Variants in NDUFS4 observed in about 807,000 individuals in gnomAD.
NDUFS4 encodes NADH:ubiquinone oxidoreductase subunit S4.
Under a neutral mutation model 24.3 loss-of-function variants are expected in NDUFS4, and 28 were observed. The observed-to-expected ratio is 1.15, with a 90% CI of 0.85 to 1.58. NDUFS4 has a LOEUF of 1.58. Ranked by LOEUF, NDUFS4 falls within the 40% of genes most tolerant of loss-of-function variation. The pLI is 0.00. For missense variants in NDUFS4, 223 were observed against 207.9 expected (o/e 1.07, Z -0.45); for synonymous variants, 93 against 69.7 (o/e 1.34, Z -1.67).
At chr5:53,682,315 T>C (rs2111613457) in intron 4 of NDUFS4, among the ~76,000 whole-genome samples, 1 of 152,134 alleles carries the variant, frequency 6.6e-6, no homozygotes, top group Middle Eastern at 3.4e-3. Flanking sequence ...TGAAATGGCT[T>C]TGGAAGGAAA....
chr5:53,607,960 A>G (rs1279969783), intron 2 of NDUFS4, among the ~76,000 whole-genome samples: 1 of 152,178 alleles, frequency 6.6e-6, no homozygotes, highest in Non-Finnish European at 1.5e-5. Flanking sequence ...TTATTACATA[A>G]CTGGCTTATT....
chr5:53,594,898 G>GTGTGTA (rs1554055140), intron 1 of NDUFS4, among the ~76,000 whole-genome samples: 11 of 149,418 alleles, frequency 7.4e-5, no homozygotes, highest in African/African-American at 2.0e-4. Flanking sequence ...GTGTGTGTGT[G>GTGTGTA]TATATGCGTT....
chr5:53,661,825 G>T (rs1042650142), intron 4 of NDUFS4, among the ~76,000 whole-genome samples: 2 of 152,172 alleles, frequency 1.3e-5, no homozygotes, highest in Admixed American at 6.5e-5. Context: ...AAGAATGCTT[G>T]TGGTTTTTGC....
chr5:53,679,695 G>A (rs1740591700), intron 4 of NDUFS4, among the ~76,000 whole-genome samples: 1 of 152,134 alleles, frequency 6.6e-6, no homozygotes, highest in Admixed American at 6.6e-5. Flanking sequence ...GTTTGTGTTT[G>A]TGTGTATATT....
chr5:53,672,479 A>G (rs1740308022), intron 4 of NDUFS4, among the ~76,000 whole-genome samples: 1 of 152,154 alleles, frequency 6.6e-6, no homozygotes, highest in African/African-American at 2.4e-5. Context: ...TTACATGTGT[A>G]TCAATTGTGT....
At chr5:53,682,968 T>TAGTA (rs773776612) in intron 4 of NDUFS4, 150 bp from the exon 5 acceptor site, 32 of 710,916 alleles carry the variant, frequency 4.5e-5, no homozygotes, top group African/African-American at 8.7e-5. Flanking sequence ...AGGGAACAAA[T>TAGTA]AGTAAGTATA....
intron 2 of NDUFS4, among the ~76,000 whole-genome samples, chr5:53,607,909 C>G (rs907848534): frequency 2.6e-5 from 4 of 152,124 alleles, no homozygotes; most frequent in Non-Finnish European, 5.9e-5. Flanking sequence ...TCTCACTTTT[C>G]AGTTTTCAAA....
chr5:53,626,830 G>A (rs549087416), intron 2 of NDUFS4, among the ~76,000 whole-genome samples: 169 of 152,168 alleles, frequency 1.1e-3, no homozygotes, highest in African/African-American at 4.0e-3. Context: ...CATTCTGTAG[G>A]TTGCCTGTTC....
intron 1 of NDUFS4, among the ~76,000 whole-genome samples, chr5:53,567,730 C>T (rs546110631): frequency 1.3e-5 from 2 of 152,194 alleles, no homozygotes; most frequent in East Asian, 1.9e-4. Context: ...GCAGTTTTAG[C>T]ACCCCTTTTT....
chr5:53,605,577 G>A (rs533725391), intron 2 of NDUFS4, among the ~76,000 whole-genome samples: 1 of 152,200 alleles, frequency 6.6e-6, no homozygotes, highest in East Asian at 1.9e-4. Context: ...GCCCTACCTA[G>A]ATTTTCCCCA....
intron 2 of NDUFS4, among the ~76,000 whole-genome samples, chr5:53,632,573 A>G (rs561867466): frequency 2.1e-4 from 32 of 152,186 alleles, no homozygotes; most frequent in African/African-American, 7.0e-4. Flanking sequence ...CTGAATGCCA[A>G]TCCCTACCTT....
At chr5:53,561,824 G>A (rs560711709) in intron 1 of NDUFS4, among the ~76,000 whole-genome samples, 1 of 152,212 alleles carries the variant, frequency 6.6e-6, no homozygotes, top group African/African-American at 2.4e-5. Context: ...TGGGTGTTGG[G>A]TGGGAAAGAA....
intron 4 of NDUFS4, among the ~76,000 whole-genome samples, chr5:53,675,613 A>C (rs1338099553): frequency 1.3e-5 from 2 of 152,350 alleles, no homozygotes; most frequent in Middle Eastern, 3.4e-3. Flanking sequence ...ACTTTCAGCC[A>C]TGAATTAATA....
intron 1 of NDUFS4, among the ~76,000 whole-genome samples, chr5:53,571,572 ACT>A (rs1390697489): frequency 2.0e-5 from 3 of 152,084 alleles, no homozygotes; most frequent in African/African-American, 7.2e-5. Context: ...TAATGTAATA[ACT>A]CTATATTTAG....
intron 1 of NDUFS4, among the ~76,000 whole-genome samples, chr5:53,596,267 TA>T (rs11432057): frequency 6.7e-6 from 1 of 150,122 alleles, no homozygotes; most frequent in Non-Finnish European, 1.5e-5. Flanking sequence ...CATATCCCTA[TA>T]AAAAAAAACA....
chr5:53,650,525 A>T (rs1442590376), intron 3 of NDUFS4, among the ~76,000 whole-genome samples: 1 of 152,206 alleles, frequency 6.6e-6, no homozygotes, highest in Non-Finnish European at 1.5e-5. Flanking sequence ...ATGATTATAA[A>T]CTAGGAAGAA....
At chr5:53,646,837 C>T (rs538704568) in intron 3 of NDUFS4, among the ~76,000 whole-genome samples, 61 of 152,202 alleles carry the variant, frequency 4.0e-4, no homozygotes, top group African/African-American at 1.4e-3. Context: ...AATTTTATTA[C>T]AACTTATTGT....
chr5:53,639,725 T>TA (rs1249116365), intron 2 of NDUFS4, among the ~76,000 whole-genome samples: 1 of 152,156 alleles, frequency 6.6e-6, no homozygotes, highest in Non-Finnish European at 1.5e-5. Context: ...CAGGCAGTTA[T>TA]AAAAAATATC....
chr5:53,624,001 G>A (rs530104664), intron 2 of NDUFS4, among the ~76,000 whole-genome samples: 35 of 152,300 alleles, frequency 2.3e-4, no homozygotes, highest in African/African-American at 7.2e-4. Flanking sequence ...ACAGGCATGA[G>A]CCACCACGCC....
Sources: gnomAD v4.1 joint callset for allele counts (sites outside exome capture counted in the v4.1 genomes callset) on GRCh38, gnomAD v4.1.1 for gene constraint, MANE v1.5 for transcripts, NCBI Gene and HGNC (gene_info 2026-07-23, HGNC 2026-07-21) for gene names.